C3orf52: variants seen among roughly 807,000 people sequenced by gnomAD.
The protein encoded by C3orf52 is chromosome 3 open reading frame 52.
C3orf52 carries 22 observed loss-of-function variants against 24.8 expected under a neutral mutation model. The ratio of observed to expected loss-of-function variants is 0.89; its 90% CI spans 0.63 to 1.27. The LOEUF is 1.27. Ranked by LOEUF, C3orf52 falls within the 50% of genes most tolerant of loss-of-function variation. The probability of loss-of-function intolerance (pLI) is 0.00; values close to 1 mark genes in which losing one functional copy is unlikely to be tolerated. For missense variants in C3orf52, 265 were observed against 260.7 expected (o/e 1.02, Z -0.11); for synonymous variants, 93 against 100.2 (o/e 0.93, Z 0.43).
chr3:112,086,407 CATGGACCTGGCCCAACCCTCA>C lies in C3orf52; in HGVS notation c.1_21del (p.MetAspLeuAlaGlnProSer1_?7), dbSNP rs2073824802. 12 of 1,540,716 alleles carry C rather than the reference CATGGACCTGGCCCAACCCTCA, an allele frequency of 7.8e-6. No individual in the cohort carries two copies. Among genetic ancestry groups the C allele is most frequent in the Non-Finnish European group, 1.1e-5 (12 of 1,140,170 alleles). ...GCCGCTCAGACTTTCCCTGCCGGCACATGGACCTGGCCCAACCCTCACAGCCAGTAGACGAGCTGGAGCTCT... is the reference window on the plus strand; with the variant it reads ...GCCGCTCAGACTTTCCCTGCCGGCACCAGCCAGTAGACGAGCTGGAGCTCT... On this transcript the variant is annotated start_lost and inframe_deletion, in exon 1 of 6. Coordinates refer to ENST00000264848, the MANE Select transcript of C3orf52 (RefSeq NM_024616.3).
At chr3:112,133,257 AG>A, downstream of C3orf52, 1 of 872,084 alleles carries the variant, frequency 1.1e-6, no homozygotes, top group Non-Finnish European at 1.9e-6. Flanking sequence ...AGAAAGGAGA[AG>A]GGTGTCTCTG....
intron 5 of C3orf52, 116 bp downstream of exon 5, chr3:112,113,261 A>C: frequency 1.4e-6 from 1 of 727,100 alleles, no homozygotes; most frequent in Admixed American, 2.9e-5. Flanking sequence ...GTGTCAGACT[A>C]TTCATTTATT....
At chr3:112,122,529 T>A (rs1165956631), downstream of C3orf52, 1 of 152,188 alleles carries the variant, frequency 6.6e-6, no homozygotes, top group Non-Finnish European at 1.5e-5. Context: ...AAGGTATATA[T>A]GTGTTAATTT....
chr3:112,117,872 T>G lies in C3orf52; in HGVS notation c.*1226T>G, dbSNP rs1576152232. On this transcript the variant is annotated 3_prime_UTR_variant, in exon 6 of 6. Coordinates refer to ENST00000264848, the MANE Select transcript of C3orf52 (RefSeq NM_024616.3). ...TGAGAGATCTCGCCTCTCAGTTAAA[T>G]GAGCCCTGGGTTAAAGTCAGTGTGA... 1 of 151,762 alleles carries G rather than the reference T, an allele frequency of 6.6e-6. No homozygotes were observed. The highest frequency in any genetic ancestry group is 1.5e-5 in the Non-Finnish European group (1 of 67,896). 9.4% of individuals were successfully genotyped at this position (151,762 alleles called of 1,614,324 possible).
chr3:112,102,051 A>G (rs16859182), intron 2 of C3orf52, among the ~76,000 whole-genome samples: 14,343 of 148,246 alleles, frequency 0.097, 1,252 homozygotes, highest in African/African-American at 0.24. Flanking sequence ...GGGGCTCTGA[A>G]TATAGTTTAG....
chr3:112,095,801 C>T (rs1297407170), intron 2 of C3orf52, among the ~76,000 whole-genome samples: 1 of 146,572 alleles, frequency 6.8e-6, no homozygotes, highest in Non-Finnish European at 1.5e-5. Flanking sequence ...GGGGGAGATA[C>T]AGTAGGTTAA....
chr3:112,110,255 G>A lies in C3orf52; in HGVS notation c.467+642G>A, dbSNP rs547074741. Among the ~76,000 whole-genome samples, 377 of 152,184 alleles carry A rather than the reference G, an allele frequency of 2.5e-3. 1 individual carries two copies. The highest frequency in any genetic ancestry group is 8.5e-3 in the African/African-American group (353 of 41,518). On this transcript the variant is annotated intron_variant, in intron 4 of 5. Transcript: ENST00000264848. ...TGAGGCAGGAGAATCTCTTGAATTC[G>A]GGAGGGGAGGTTGCAGTGAGCCGAG...
rs200879475 is a variant in C3orf52, at chr3:112,086,564, TGGC to T, written c.138+20_138+22del. 1,466 of 1,539,452 alleles carry T rather than the reference TGGC, an allele frequency of 9.5e-4. 13 individuals are homozygous for T. The African/African-American group carries it at 0.017, about 17-fold the overall frequency. ...GGCCGAGGTAAGGTCCCCTTGGCGC[TGGC>T]CCTAACTTGCCGGCGGCGGGACAGT... On this transcript the variant is annotated intron_variant, in intron 1 of 5. Coordinates refer to ENST00000264848, the MANE Select transcript of C3orf52 (RefSeq NM_024616.3).
intron 5 of C3orf52, 62 bp from the exon 6 acceptor site, chr3:112,116,580 G>C (rs992375623): frequency 7.4e-7 from 1 of 1,346,780 alleles, no homozygotes; most frequent in Admixed American, 2.7e-5. Flanking sequence ...AAATGAAAAC[G>C]TAAGCATTTA....
exon 5 of C3orf52, chr3:112,128,368 AT>A: frequency 2.0e-6 from 1 of 512,272 alleles, no homozygotes; most frequent in Non-Finnish European, 3.6e-6. Context: ...CGTAAGTGTT[AT>A]CCCCAGGAAA....
At chr3:112,114,561 G>A (rs189100577) in intron 5 of C3orf52, among the ~76,000 whole-genome samples, 8 of 152,064 alleles carry the variant, frequency 5.3e-5, no homozygotes, top group African/African-American at 1.2e-4. Context: ...AAAATTAGCC[G>A]GGCATGGTGG....
chr3:112,117,086 T>TAAA lies in C3orf52; in HGVS notation c.*440_*441insAAA. 3.1e-6 allele frequency: 2 copies of TAAA among 654,742 alleles called. No homozygotes were observed. Among genetic ancestry groups the TAAA allele is most frequent in the Non-Finnish European group, 5.1e-6 (2 of 388,860 alleles). 40.6% of individuals were successfully genotyped at this position (654,742 alleles called of 1,614,324 possible). A position where few individuals can be genotyped will look rare whatever the true frequency, so the allele number is the denominator to read the frequency against. On this transcript the variant is annotated 3_prime_UTR_variant, in exon 6 of 6. Coordinates refer to ENST00000264848, the MANE Select transcript of C3orf52 (RefSeq NM_024616.3). ...CTTTTTCTTTAGTGCAGAGGTGCAC[T>TAAA]GTCTTCTTTTAGGTGGGATCGCGTA...
downstream of C3orf52, chr3:112,134,021 A>T (rs1290041894): frequency 6.6e-6 from 1 of 152,376 alleles, no homozygotes; most frequent in Non-Finnish European, 1.5e-5. Context: ...GCTGGCAGAC[A>T]GACAAGCGGC....
chr3:112,116,120 G>A (rs768738208), intron 5 of C3orf52, among the ~76,000 whole-genome samples: 1 of 152,182 alleles, frequency 6.6e-6, no homozygotes, highest in Non-Finnish European at 1.5e-5. Flanking sequence ...AAAGCCCCAG[G>A]TAGGGAGAAT....
chr3:112,098,114 C>T (rs1576138162), intron 2 of C3orf52, among the ~76,000 whole-genome samples: 1 of 152,232 alleles, frequency 6.6e-6, no homozygotes, highest in African/African-American at 2.4e-5. Context: ...CCTTCTTTCA[C>T]TGGCACACTT....
At chr3:112,119,372 T>TAACAAACA (rs61174992), downstream of C3orf52, 76 of 681,538 alleles carry the variant, frequency 1.1e-4, 1 homozygote, top group Middle Eastern at 4.7e-4. Context: ...TGAAACTCCA[T>TAACAAACA]AACAAACAAA....
chr3:112,130,539 G>T (rs779755453), downstream of C3orf52: 1 of 1,603,958 alleles, frequency 6.2e-7, no homozygotes, highest in Non-Finnish European at 8.5e-7. Flanking sequence ...TCAGAAACAG[G>T]CTAAGTATTT....
chr3:112,101,491 A>G (rs999761209), intron 2 of C3orf52, among the ~76,000 whole-genome samples: 2 of 152,150 alleles, frequency 1.3e-5, no homozygotes, highest in African/African-American at 4.8e-5. Context: ...AGGAAAGGAG[A>G]TGTTAGCCAC....
intron 3 of C3orf52, among the ~76,000 whole-genome samples, chr3:112,105,823 CAAAAAAAAAAA>C (rs761974909): frequency 1.9e-4 from 16 of 83,362 alleles, no homozygotes; most frequent in Non-Finnish European, 2.4e-4. Flanking sequence ...ACTTAGTCTC[CAAAAAAAAAAA>C]AAAAAAAAGA....
Sources: gnomAD v4.1 joint callset for allele counts (sites outside exome capture counted in the v4.1 genomes callset) on GRCh38, gnomAD v4.1.1 for gene constraint, MANE v1.5 for transcripts, NCBI Gene and HGNC (gene_info 2026-07-23, HGNC 2026-07-21) for gene names.